The following MBNL2 variants were observed in gnomAD, a reference collection of about 807,000 sequenced individuals.
The protein encoded by MBNL2 is muscleblind-like protein 2.
In MBNL2, 17 loss-of-function variants were observed where a neutral mutation model predicts 41.9. That is an observed-to-expected ratio of 0.41 (90% CI 0.28 to 0.61). MBNL2 has a LOEUF of 0.61. MBNL2 is among the 20% of genes least tolerant of loss of function. The pLI is 0.35. For missense variants in MBNL2, 336 were observed against 505.6 expected, an observed-to-expected ratio of 0.66 and a Z score of 3.22; for synonymous variants, 195 against 182.9, an observed-to-expected ratio of 1.07 and a Z score of -0.53.
At chr13:97,201,471 A>T in the MBNL2 span, among the ~76,000 whole-genome samples, 2 of 152,224 alleles carry the variant, frequency 1.3e-5, no homozygotes, top group Non-Finnish European at 2.9e-5. Context: ...AAATGGATGG[A>T]TGGATAGATA....
chr13:97,215,553 T>C, the MBNL2 span, among the ~76,000 whole-genome samples: 1 of 152,238 alleles, frequency 6.6e-6, no homozygotes, highest in Admixed American at 6.5e-5. Context: ...ATGAGAGTTG[T>C]GGTTGCAAAC....
In MBNL2 at chr13:97,391,774, G is replaced by T; in HGVS notation, c.*325G>T. The T allele has an allele frequency of 4.7e-6, 1 of 214,362 alleles. No homozygotes were observed. Among genetic ancestry groups the T allele is most frequent in the Non-Finnish European group, 9.1e-6 (1 of 109,584 alleles). 13.3% of individuals were successfully genotyped at this position (214,362 alleles called of 1,614,324 possible). A position where few individuals can be genotyped will look rare whatever the true frequency, so the allele number is the denominator to read the frequency against. ...AGTTAAAAAAGAAACATATTCCAAG[G>T]GCAGGTTCGATTCTAGCTCTAATTA... On this transcript the variant is annotated 3_prime_UTR_variant, in exon 9 of 9. Transcript: ENST00000679496.
At chr13:97,293,462 A>G (rs2056508027) in intron 2 of MBNL2, among the ~76,000 whole-genome samples, 2 of 152,228 alleles carry the variant, frequency 1.3e-5, no homozygotes, top group African/African-American at 4.8e-5. Flanking sequence ...CAATGTTTGT[A>G]CCTGGTACAT....
chr13:97,259,540 T>TC (rs2048211313), intron 1 of MBNL2, among the ~76,000 whole-genome samples: 1 of 151,986 alleles, frequency 6.6e-6, no homozygotes, highest in African/African-American at 2.4e-5. Flanking sequence ...ATGTCCCCCT[T>TC]CCCCCGATTC....
chr13:97,324,951 C>T lies in MBNL2; in HGVS notation c.175-9325C>T, dbSNP rs564721030. ...TGGCAGCCGATTAGATGGTGCCCAC[C>T]CAGATTGAGGGTGGGTCTGCCTCTC... On this transcript the variant is annotated intron_variant, in intron 2 of 8. Coordinates refer to ENST00000679496, the MANE Select transcript of MBNL2 (RefSeq NM_001382683.1). 1.9e-3 allele frequency among the ~76,000 whole-genome samples: 282 copies of T among 152,212 alleles called. 1 individual carries two copies. Among genetic ancestry groups the T allele is most frequent in the African/African-American group, 6.4e-3 (264 of 41,516 alleles).
chr13:97,259,889 T>TATTAGCTCATTCATTC (rs1477935249), intron 1 of MBNL2, among the ~76,000 whole-genome samples: 1 of 152,200 alleles, frequency 6.6e-6, no homozygotes, highest in Admixed American at 6.5e-5. Context: ...TTCATTCATT[T>TATTAGCTCATTCATTC]ATTTGCTCAT....
intron 8 of MBNL2, among the ~76,000 whole-genome samples, chr13:97,374,063 A>ATTTTGTTTT (rs2064690563): frequency 3.5e-4 from 22 of 63,108 alleles, no homozygotes; most frequent in Non-Finnish European, 5.8e-4. Context: ...CCTCCTTTGC[A>ATTTTGTTTT]TTTTTTTTTT....
chr13:97,335,328 G>A (rs1366662796), intron 3 of MBNL2, among the ~76,000 whole-genome samples: 2 of 149,916 alleles, frequency 1.3e-5, no homozygotes, highest in Non-Finnish European at 3.0e-5. Context: ...AAATGTGTTT[G>A]TTTCTAAAAA....
chr13:97,259,887 T>C (rs2048284054), intron 1 of MBNL2, among the ~76,000 whole-genome samples: 1 of 152,218 alleles, frequency 6.6e-6, no homozygotes, highest in African/African-American at 2.4e-5. Flanking sequence ...TATTCATTCA[T>C]TTATTTGCTC....
chr13:97,300,378 C>T (rs1351787524), intron 2 of MBNL2, among the ~76,000 whole-genome samples: 1 of 152,178 alleles, frequency 6.6e-6, no homozygotes, highest in Non-Finnish European at 1.5e-5. Context: ...GCATCAGAGA[C>T]CGATTTCATA....
At chr13:97,326,781 G>T (rs2059940873) in intron 2 of MBNL2, among the ~76,000 whole-genome samples, 1 of 152,204 alleles carries the variant, frequency 6.6e-6, no homozygotes, top group Non-Finnish European at 1.5e-5. Flanking sequence ...ACTTGCCTTA[G>T]AGTAGAGCTA....
intron 8 of MBNL2, among the ~76,000 whole-genome samples, chr13:97,385,379 G>C (rs1157105794): frequency 6.6e-6 from 1 of 152,104 alleles, no homozygotes; most frequent in Non-Finnish European, 1.5e-5. Flanking sequence ...TATGTTATAA[G>C]GTATTTTTTA....
intron 2 of MBNL2, among the ~76,000 whole-genome samples, chr13:97,322,636 G>A (rs561345189): frequency 6.6e-5 from 10 of 152,186 alleles, no homozygotes; most frequent in Middle Eastern, 6.8e-3. Flanking sequence ...TGCTGAAAAC[G>A]AAGGAACTCT....
intron 1 of MBNL2, among the ~76,000 whole-genome samples, chr13:97,264,380 T>A (rs2049305320): frequency 6.6e-6 from 1 of 152,188 alleles, no homozygotes; most frequent in South Asian, 2.1e-4. Context: ...ATTCAGCAAT[T>A]TGATAAGCCA....
At chr13:97,153,152 T>C in the MBNL2 span, among the ~76,000 whole-genome samples, 9 of 152,140 alleles carry the variant, frequency 5.9e-5, no homozygotes, top group Admixed American at 5.2e-4. Flanking sequence ...AAATGTAGTA[T>C]AAGAAAAGAA....
At chr13:97,171,049 C>A in the MBNL2 span, among the ~76,000 whole-genome samples, 4 of 152,142 alleles carry the variant, frequency 2.6e-5, no homozygotes, top group Non-Finnish European at 5.9e-5. Flanking sequence ...GTAACTCACC[C>A]AAAGTTGTAC....
chr13:97,185,368 A>G, the MBNL2 span, among the ~76,000 whole-genome samples: 1 of 152,238 alleles, frequency 6.6e-6, no homozygotes, highest in South Asian at 2.1e-4. Context: ...ACATTCCTCC[A>G]GGAGGCTGAA....
intron 1 of MBNL2, among the ~76,000 whole-genome samples, chr13:97,257,583 C>T (rs925910901): frequency 1.3e-4 from 20 of 152,196 alleles, no homozygotes; most frequent in African/African-American, 4.6e-4. Context: ...GCTAACAGGA[C>T]AGTGTTTAGT....
At chr13:97,350,626 A>G (rs58319854) in intron 5 of MBNL2, among the ~76,000 whole-genome samples, 3,421 of 152,332 alleles carry the variant, frequency 0.022, 122 homozygotes, top group African/African-American at 0.079. Context: ...AGAGCATCTT[A>G]GCCAAGAGTA....
Sources: gnomAD v4.1 joint callset for allele counts (sites outside exome capture counted in the v4.1 genomes callset) on GRCh38, gnomAD v4.1.1 for gene constraint, MANE v1.5 for transcripts, NCBI Gene and HGNC (gene_info 2026-07-23, HGNC 2026-07-21) for gene names.